The following ACTR3C variants were observed in gnomAD, a reference collection of about 807,000 sequenced individuals.
The protein encoded by ACTR3C is actin related protein 3C.
A neutral mutation model predicts 26.3 loss-of-function variants in ACTR3C; 18 were observed. That is an observed-to-expected ratio of 0.68 (90% confidence interval 0.47 to 1.01). The LOEUF is 1.01. Among genes scored for constraint, ACTR3C ranks in the 50% least tolerant of loss-of-function variants. ACTR3C has a pLI of 0.00. For synonymous variants in ACTR3C, 55 were observed against 94.5 expected, an observed-to-expected ratio of 0.58 and a Z score of 2.42; for missense variants, 184 against 250.7, an observed-to-expected ratio of 0.73 and a Z score of 1.80.
At chr7:150,014,210 C>G in the ACTR3C span, among the ~76,000 whole-genome samples, 1 of 152,184 alleles carries the variant, frequency 6.6e-6, no homozygotes, top group African/African-American at 2.4e-5. Flanking sequence ...AATCCCAGCA[C>G]TTTGGGAGGT....
the ACTR3C span, among the ~76,000 whole-genome samples, chr7:149,912,655 A>G: frequency 1.3e-5 from 2 of 151,900 alleles, no homozygotes; most frequent in Non-Finnish European, 2.9e-5. Flanking sequence ...GGCGCCTGCC[A>G]CCACACCCGG....
downstream of ACTR3C, among the ~76,000 whole-genome samples, chr7:150,242,382 C>CA (rs1276385531): frequency 6.6e-6 from 1 of 150,626 alleles, no homozygotes; most frequent in African/African-American, 2.5e-5. Context: ...GAGCATGGGG[C>CA]AGGCCAGACT....
chr7:149,913,586 C>T, the ACTR3C span, among the ~76,000 whole-genome samples: 13 of 151,990 alleles, frequency 8.6e-5, no homozygotes, highest in East Asian at 3.9e-4. Flanking sequence ...TGGGAAACTC[C>T]GGAAACAGAT....
chr7:149,988,605 T>C, the ACTR3C span, among the ~76,000 whole-genome samples: 1 of 152,174 alleles, frequency 6.6e-6, no homozygotes, highest in African/African-American at 2.4e-5. Context: ...ACTTAGCAAA[T>C]TGGTGGCTGA....
At chr7:150,071,042 C>T in the ACTR3C span, among the ~76,000 whole-genome samples, 2 of 150,508 alleles carry the variant, frequency 1.3e-5, no homozygotes, top group African/African-American at 4.9e-5. Flanking sequence ...GATCCACCTA[C>T]CTCAGCCTCC....
At chr7:150,234,495 A>AGG in the ACTR3C span, among the ~76,000 whole-genome samples, 3 of 151,998 alleles carry the variant, frequency 2.0e-5, no homozygotes, top group Non-Finnish European at 4.4e-5. Flanking sequence ...GGGCTTCTGG[A>AGG]GGTAAAATCC....
At chr7:150,095,555 C>T in the ACTR3C span, among the ~76,000 whole-genome samples, 1 of 150,064 alleles carries the variant, frequency 6.7e-6, no homozygotes, top group African/African-American at 2.5e-5. Flanking sequence ...GTGTATATAC[C>T]CTTGGAGAAT....
chr7:150,220,178 C>G, the ACTR3C span, among the ~76,000 whole-genome samples: 6,465 of 146,932 alleles, frequency 0.044, 503 homozygotes, highest in African/African-American at 0.093. Flanking sequence ...TCCACTCGCC[C>G]GCCAACTGTA....
the ACTR3C span, among the ~76,000 whole-genome samples, chr7:149,903,053 T>TAA: frequency 0.16 from 13,349 of 84,996 alleles, 1,742 homozygotes; most frequent in East Asian, 0.49. Context: ...TTTTTTTAAT[T>TAA]AAAAAAAACC....
At chr7:149,921,212 C>A in the ACTR3C span, among the ~76,000 whole-genome samples, 7 of 152,132 alleles carry the variant, frequency 4.6e-5, no homozygotes, top group East Asian at 1.4e-3. Context: ...ACATCTGTTC[C>A]ACACACTCTG....
chr7:149,919,630 G>A, the ACTR3C span, among the ~76,000 whole-genome samples: 1 of 152,042 alleles, frequency 6.6e-6, no homozygotes, highest in Non-Finnish European at 1.5e-5. Flanking sequence ...GTTTAGTACA[G>A]AAAGTGAATT....
At chr7:149,907,382 G>C in the ACTR3C span, among the ~76,000 whole-genome samples, 2 of 145,970 alleles carry the variant, frequency 1.4e-5, no homozygotes, top group Admixed American at 6.9e-5. Context: ...AACTGTCCAC[G>C]GTGACCCAGG....
chr7:150,121,559 A>G, the ACTR3C span, among the ~76,000 whole-genome samples: 8 of 148,554 alleles, frequency 5.4e-5, no homozygotes, highest in Admixed American at 5.3e-4. Context: ...AGAACTACAA[A>G]CCACTTCTCA....
downstream of ACTR3C, among the ~76,000 whole-genome samples, chr7:150,239,540 C>CTCTA (rs1317088405): frequency 0.013 from 1,182 of 90,130 alleles, 15 homozygotes; most frequent in Non-Finnish European, 0.016. Context: ...CTCTCTCTCT[C>CTCTA]TATATATATA....
the ACTR3C span, among the ~76,000 whole-genome samples, chr7:150,041,618 CTGCCTCGCGGGGGGTGCCTCCCCCCCCCT>C: frequency 1.2e-4 from 15 of 129,994 alleles, no homozygotes; most frequent in Admixed American, 7.5e-4. Flanking sequence ...CTCTCAGTCC[CTGCCTCGCGGGGGGTGCCTCCCCCCCCCT>C]GCGATGAGGG....
chr7:150,157,424 A>G, the ACTR3C span, among the ~76,000 whole-genome samples: 1 of 150,516 alleles, frequency 6.6e-6, no homozygotes, highest in Non-Finnish European at 1.5e-5. Flanking sequence ...CCCTGAGAAG[A>G]GAGTGCAGAG....
At chr7:150,020,079 CAG>C in the ACTR3C span, among the ~76,000 whole-genome samples, 1 of 152,012 alleles carries the variant, frequency 6.6e-6, no homozygotes, top group Non-Finnish European at 1.5e-5. Flanking sequence ...GGCTTTAGTA[CAG>C]AGTTACAATC....
the ACTR3C span, among the ~76,000 whole-genome samples, chr7:149,922,565 G>A: frequency 5.3e-5 from 8 of 152,040 alleles, no homozygotes; most frequent in East Asian, 1.9e-4. Context: ...AGAGATGGGC[G>A]GGGATGCCAC....
chr7:149,990,640 A>T, the ACTR3C span, among the ~76,000 whole-genome samples: 5 of 140,514 alleles, frequency 3.6e-5, 1 homozygote, highest in South Asian at 1.0e-3. Context: ...AAGTTTTGCA[A>T]CAGAAGCACT....
Sources: allele counts gnomAD v4.1 joint callset (sites outside exome capture counted in the v4.1 genomes callset), GRCh38; gene constraint gnomAD v4.1.1; transcripts MANE v1.5; gene names NCBI Gene and HGNC (gene_info 2026-07-23, HGNC 2026-07-21).